Variants in EFNB2 observed in about 807,000 individuals in gnomAD.
EFNB2 encodes ephrin-B2.
EFNB2 carries 5 observed loss-of-function variants against 32.1 expected under a neutral mutation model. That is an observed-to-expected ratio of 0.16 (90% CI 0.08 to 0.33). The LOEUF (loss-of-function observed/expected upper bound fraction) is 0.33. EFNB2 is among the 10% of genes least tolerant of loss of function. The pLI is 1.00. For missense variants in EFNB2, 263 were observed against 422.6 expected (o/e 0.62, Z 3.31); for synonymous variants, 168 against 166.5 (o/e 1.01, Z -0.07).
At chr13:106,523,970 G>A (rs1342382966) in intron 1 of EFNB2, among the ~76,000 whole-genome samples, 1 of 152,076 alleles carries the variant, frequency 6.6e-6, no homozygotes, top group Non-Finnish European at 1.5e-5. Flanking sequence ...TCCCAACAAG[G>A]AACAATCAAA....
chr13:106,508,076 T>A (rs1393229800), intron 2 of EFNB2, among the ~76,000 whole-genome samples: 2 of 152,180 alleles, frequency 1.3e-5, no homozygotes, highest in South Asian at 4.1e-4. Context: ...CAAGGTTTTA[T>A]GCGAAGGTAG....
At chr13:106,513,078 C>T (rs959832507) in intron 1 of EFNB2, among the ~76,000 whole-genome samples, 9 of 152,182 alleles carry the variant, frequency 5.9e-5, no homozygotes, top group Non-Finnish European at 1.3e-4. Context: ...TTCTTTACCA[C>T]CCCCTCGCTT....
chr13:106,503,452 G>A lies in EFNB2; in HGVS notation c.407-7612C>T, dbSNP rs536577877. 4.9e-4 allele frequency among the ~76,000 whole-genome samples: 75 copies of A among 152,238 alleles called. No individual in the cohort carries two copies. The South Asian group carries it at 0.015, about 30-fold the overall frequency. ...ATATGTGTCCTGAGCTAGGGAATCC[G>A]GGAGTGGCCAATGTGGAGAGTCATT... On this transcript the variant is annotated intron_variant, in intron 2 of 4. Coordinates refer to ENST00000646441, the MANE Select transcript of EFNB2 (RefSeq NM_004093.4).
rs368576231 is a variant in EFNB2 at position 106,493,394 on chromosome 13, C to A, written c.648G>T (p.Ser216=). The A allele has an allele frequency of 1.2e-6, 2 of 1,613,510 alleles. No homozygotes were observed. The highest frequency in any genetic ancestry group is 1.3e-5 in the African/African-American group (1 of 74,880). ...CTTCGGAACCGAGGATGTTGTTCCC[C>A]GAATGTCCGGCGCTGTTGCCGTCTG... ...SSTDGNSAGH[S]GNNILGSEVA... is the part of the protein sequence containing the mutation. The change falls in exon 5 of 5, where the codon TCG becomes TCT. Residue 216 remains serine (S), a synonymous_variant. Transcript: ENST00000646441. This position sits in a 1 kb window ranked among gnomAD's most constrained non-coding sequence, Gnocchi z 6.1.
At chr13:106,508,190 T>C (rs1233637720) in intron 2 of EFNB2, among the ~76,000 whole-genome samples, 1 of 152,030 alleles carries the variant, frequency 6.6e-6, no homozygotes, top group Non-Finnish European at 1.5e-5. Flanking sequence ...GAAAAGAAAC[T>C]AAACCAGGCA....
intron 1 of EFNB2, among the ~76,000 whole-genome samples, chr13:106,515,045 T>A (rs1879267639): frequency 6.6e-6 from 1 of 152,136 alleles, no homozygotes; most frequent in Non-Finnish European, 1.5e-5. Flanking sequence ...CATGAGGATT[T>A]TTTTTTTCCT....
chr13:106,503,542 C>T (rs943313809), intron 2 of EFNB2, among the ~76,000 whole-genome samples: 2 of 152,070 alleles, frequency 1.3e-5, no homozygotes, highest in African/African-American at 4.8e-5. Context: ...TACAGGGACT[C>T]GAGGTCCTAA....
intron 1 of EFNB2, among the ~76,000 whole-genome samples, chr13:106,530,430 A>T (rs534997917): frequency 6.6e-6 from 1 of 152,274 alleles, no homozygotes; most frequent in Admixed American, 6.5e-5. Flanking sequence ...AAGCAAATCT[A>T]TGTAGATGTA....
At chr13:106,502,331 T>TCA (rs986242519) in intron 2 of EFNB2, among the ~76,000 whole-genome samples, 2 of 152,230 alleles carry the variant, frequency 1.3e-5, no homozygotes, top group African/African-American at 4.8e-5. Context: ...GAAGATGTTA[T>TCA]CAAGTACAAA....
At chr13:106,517,508 T>C (rs1594172315) in intron 1 of EFNB2, 1 of 152,274 alleles carries the variant, frequency 6.6e-6, no homozygotes, top group East Asian at 1.9e-4. Flanking sequence ...GAGCAGGCTC[T>C]CTACTATCTT....
chr13:106,507,905 A>C (rs1313069188), intron 2 of EFNB2, among the ~76,000 whole-genome samples: 1 of 152,250 alleles, frequency 6.6e-6, no homozygotes, highest in Admixed American at 6.5e-5. Flanking sequence ...ATATGAAGCT[A>C]AATTGGGAGG....
At chr13:106,498,510 C>A (rs996497341) in intron 2 of EFNB2, among the ~76,000 whole-genome samples, 2 of 152,198 alleles carry the variant, frequency 1.3e-5, no homozygotes, top group Non-Finnish European at 2.9e-5. Flanking sequence ...GGGGTCTTGA[C>A]AACCACAAAT....
In EFNB2 at chr13:106,493,593, G is replaced by A. The variant is rs1878492150; in HGVS notation, c.614-165C>T. ...CTCGTCTAAGAGCTCAACGCAAAAG[G>A]AAATGAGAGGTATCTCTAGGAGGGA... On this transcript the variant is annotated intron_variant, in intron 4 of 4. Transcript: ENST00000646441. This position sits in a 1 kb window ranked among gnomAD's most constrained non-coding sequence, Gnocchi z 6.1. Among the ~76,000 whole-genome samples the A allele has an allele frequency of 6.6e-6, 1 of 152,138 alleles. No individual in the cohort carries two copies.
At position 106,493,201 on chromosome 13, in the gene EFNB2, T is replaced by C. The variant is rs1263156198; in HGVS notation, c.841A>G (p.Asn281Asp). Residue 281 changes from asparagine (N) to aspartate (D), a missense_variant, in exon 5 of 5, where the codon AAC becomes GAC. By Grantham distance (23) the Asn-to-Asp change is conservative. Around this residue, in one of 3 missense-constraint regions of EFNB2, gnomAD observed 172 missense variants for 237.1 expected, o/e 0.73. Coordinates refer to ENST00000646441, the MANE Select transcript of EFNB2 (RefSeq NM_004093.4). The surrounding 1 kb of genome is among the most constrained non-coding windows in gnomAD (Gnocchi z 6.1). ...TLATPKRSGN[N>D]NGSEPSDIII... is the part of the protein sequence containing the mutation. Reference sequence around the variant, plus strand: ...ATGTCACTGGGCTCTGAGCCGTTGTTGTTGCCGCTGCGCTTGGGTGTGGCC... The same window carrying C: ...ATGTCACTGGGCTCTGAGCCGTTGTCGTTGCCGCTGCGCTTGGGTGTGGCC... 3 of 1,614,216 alleles carry C rather than the reference T, an allele frequency of 1.9e-6. No homozygotes were observed. The highest frequency in any genetic ancestry group is 2.5e-6 in the Non-Finnish European group (3 of 1,180,034).
chr13:106,522,897 G>A (rs1414735848), intron 1 of EFNB2, among the ~76,000 whole-genome samples: 1 of 152,142 alleles, frequency 6.6e-6, no homozygotes, highest in Non-Finnish European at 1.5e-5. Context: ...TCAATAGGTG[G>A]CTGTGTAATT....
intron 1 of EFNB2, chr13:106,519,689 C>T (rs1457167923): frequency 1.3e-5 from 2 of 152,132 alleles, no homozygotes; most frequent in Non-Finnish European, 2.9e-5. Context: ...AACAAATGGT[C>T]ACACACACCG....
At chr13:106,524,501 C>G (rs1157795374) in intron 1 of EFNB2, among the ~76,000 whole-genome samples, 1 of 152,160 alleles carries the variant, frequency 6.6e-6, no homozygotes, top group Non-Finnish European at 1.5e-5. Context: ...CATATGGTTA[C>G]CATGAAGGTT....
intron 2 of EFNB2, among the ~76,000 whole-genome samples, chr13:106,510,513 C>T (rs994494746): frequency 2.0e-5 from 3 of 152,184 alleles, no homozygotes; most frequent in African/African-American, 7.2e-5. Flanking sequence ...TATCGGTGGA[C>T]GTGGGCTGCA....
At chr13:106,497,641 T>C (rs969692042) in intron 2 of EFNB2, among the ~76,000 whole-genome samples, 1 of 152,174 alleles carries the variant, frequency 6.6e-6, no homozygotes, top group African/African-American at 2.4e-5. Context: ...GCTGCGCCTG[T>C]TAACTCGTCA....
Sources: allele counts gnomAD v4.1 joint callset (sites outside exome capture counted in the v4.1 genomes callset), GRCh38; gene constraint gnomAD v4.1.1; regional missense constraint gnomAD v4.1.1; non-coding constraint Gnocchi (gnomAD v3.1); transcripts MANE v1.5; gene names NCBI Gene and HGNC (gene_info 2026-07-23, HGNC 2026-07-21).